ZNF605: variants seen among roughly 807,000 people sequenced by gnomAD.
The protein encoded by ZNF605 is zinc finger protein 605.
In ZNF605, 9 loss-of-function variants were observed where a neutral mutation model predicts 7.9. The ratio of observed to expected loss-of-function variants is 1.14; its 90% confidence interval spans 0.68 to 1.98. ZNF605 has a LOEUF of 1.98. Ranked by LOEUF, ZNF605 falls within the 30% of genes most tolerant of loss-of-function variation. The pLI is 0.00. For missense variants in ZNF605, 673 were observed against 762.4 expected, an observed-to-expected ratio of 0.88 and a Z score of 1.38; for synonymous variants, 255 against 260.1, an observed-to-expected ratio of 0.98 and a Z score of 0.19.
chr12:132,925,606 C>T lies in ZNF605; in HGVS notation c.1693G>A (p.Asp565Asn), dbSNP rs113814455. 127 of 1,614,140 alleles carry T rather than the reference C, an allele frequency of 7.9e-5. No individual in the cohort carries two copies. The African/African-American group carries it at 1.3e-3, about 16-fold the overall frequency. ...TTCTCAAAGAAAGCTTTTGCACAAT[C>T]GCTGCATCCATAGGTTTTCTCTCCT... ...HTGEKTYGCS[D>N]CAKAFFEKAQ... Residue 565 changes from aspartate (D) to asparagine (N), a missense_variant, in exon 5 of 5, where the codon GAT becomes AAT. Physicochemically the swap from Asp to Asn is conservative, Grantham distance 23. Coordinates refer to ENST00000360187, the MANE Select transcript of ZNF605 (RefSeq NM_183238.4).
rs1002379428 is a variant in ZNF605 at position 132,924,043 on chromosome 12, C to T, written c.*1330G>A. ...TTGGCCAGTAAAAATATCTCTTATA[C>T]CTCAGGTTTCATCAATCTTATGTTT... On this transcript the variant is annotated 3_prime_UTR_variant, in exon 5 of 5. Coordinates refer to ENST00000360187, the MANE Select transcript of ZNF605 (RefSeq NM_183238.4). The T allele has an allele frequency of 3.9e-5, 6 of 152,094 alleles. No homozygotes were observed. The highest frequency in any genetic ancestry group is 1.4e-4 in the African/African-American group (6 of 41,430). The allele number at this position is 152,094 out of a possible 1,614,324, so 9.4% of individuals were successfully genotyped here. A position where few individuals can be genotyped will look rare whatever the true frequency, so the allele number is the denominator to read the frequency against.
At chr12:132,931,088 A>C (rs1208842847) in intron 4 of ZNF605, among the ~76,000 whole-genome samples, 13 of 152,176 alleles carry the variant, frequency 8.5e-5, no homozygotes, top group Non-Finnish European at 1.9e-4. Flanking sequence ...CTAAAGTGGG[A>C]GGAGCTCATG....
Position 132,926,073 on chromosome 12 carries a change from A to G in ZNF605, c.1226T>C (p.Ile409Thr). ...TCCTAAGTGAATTTTTTGATGTCTT[A>G]TTAACTCTGACTTCTTAAAGAAGGC... ...EEAFFKKSEL[I>T]RHQKIHLGEK... Residue 409 changes from isoleucine to threonine, a missense_variant, in exon 5 of 5, where the codon ATA becomes ACA. Physicochemically the swap from Ile to Thr is moderately conservative, Grantham distance 89 (BLOSUM62 -1). Transcript: ENST00000360187. 6.2e-7 allele frequency: 1 copy of G among 1,614,216 alleles called. No homozygotes were observed. The highest frequency in any genetic ancestry group is 1.1e-5 in the South Asian group (1 of 91,086).
chr12:132,923,427 C>T lies in ZNF605; in HGVS notation c.*1946G>A, dbSNP rs1213642971. 1 of 152,040 alleles carries T rather than the reference C, an allele frequency of 6.6e-6. No homozygotes were observed. The highest frequency in any genetic ancestry group is 1.5e-5 in the Non-Finnish European group (1 of 68,000). The allele number at this position is 152,040 out of a possible 1,614,324, so 9.4% of individuals were successfully genotyped here. ...TTCTCAGAAACAGTCTTTATTTTGC[C>T]TTCATTTTTGAAAACGTTTTTGACA... is the stretch of plus-strand genomic sequence containing the variant. On this transcript the variant is annotated 3_prime_UTR_variant, in exon 5 of 5. Transcript: ENST00000360187.
At chr12:132,946,410 C>T (rs1952494626) in intron 2 of ZNF605, among the ~76,000 whole-genome samples, 1 of 152,222 alleles carries the variant, frequency 6.6e-6, no homozygotes, top group Admixed American at 6.5e-5. Context: ...GGGTCTGAGG[C>T]TGAGCAGGGC....
chr12:132,935,081 T>G (rs1472635806), intron 3 of ZNF605, among the ~76,000 whole-genome samples: 1 of 152,118 alleles, frequency 6.6e-6, no homozygotes, highest in Admixed American at 6.6e-5. Context: ...GGTCCTGGCC[T>G]CTTTAAAAGG....
At chr12:132,951,705 C>T (rs1952570120) in intron 1 of ZNF605, among the ~76,000 whole-genome samples, 2 of 151,846 alleles carry the variant, frequency 1.3e-5, no homozygotes, top group South Asian at 4.2e-4. Flanking sequence ...TACACGTACA[C>T]CACACATGCA....
Position 132,950,814 on chromosome 12 carries a change from C to A in ZNF605, c.-285-2544G>T, listed in dbSNP as rs925734615. Among the ~76,000 whole-genome samples the A allele has an allele frequency of 1.5e-4, 23 of 151,746 alleles. 1 individual carries two copies. The highest frequency in any genetic ancestry group is 2.9e-5 in the Non-Finnish European group (2 of 67,954). On this transcript the variant is annotated intron_variant, in intron 1 of 4. Transcript: ENST00000360187. ...CACACTGATACATCATACACAGAGA[C>A]ATGTACACACACTGATAACGAACAT...
chr12:132,955,803 T>C (rs1952630849), intron 1 of ZNF605, among the ~76,000 whole-genome samples: 1 of 151,930 alleles, frequency 6.6e-6, no homozygotes, highest in Non-Finnish European at 1.5e-5. Context: ...TCCTAATCGC[T>C]GCAGACAAAT....
rs1952226381 is a variant in ZNF605, at chr12:132,924,170, A to T, written c.*1203T>A. ...TCTACTGATTTTTCTCCTGGTTATAAGTCATATTTTATTGCTTCTTTGCAT... is the reference window on the plus strand; with the variant it reads ...TCTACTGATTTTTCTCCTGGTTATATGTCATATTTTATTGCTTCTTTGCAT... On this transcript the variant is annotated 3_prime_UTR_variant, in exon 5 of 5. Transcript: ENST00000360187. 6.6e-6 allele frequency: 1 copy of T among 152,118 alleles called. No homozygotes were observed. The highest frequency in any genetic ancestry group is 2.4e-5 in the African/African-American group (1 of 41,416). 9.4% of individuals were successfully genotyped at this position (152,118 alleles called of 1,614,324 possible).
At position 132,932,905 on chromosome 12, in the gene ZNF605, T is replaced by C. The variant is rs948554113; in HGVS notation, c.136+130A>G. 6.0e-5 allele frequency: 82 copies of C among 1,367,110 alleles called. 1 individual carries two copies. The South Asian group carries it at 8.9e-4, about 15-fold the overall frequency. 84.7% of individuals were successfully genotyped at this position (1,367,110 alleles called of 1,614,324 possible). ...TATAAAGGCTGCAAAATAAAGCAAG[T>C]GAATGAAAATCTTTCAATTCAGTAT... On this transcript the variant is annotated intron_variant, in intron 4 of 4. Coordinates refer to ENST00000360187, the MANE Select transcript of ZNF605 (RefSeq NM_183238.4).
Position 132,945,774 on chromosome 12 carries a change from T to C in ZNF605, c.-139A>G. 3.1e-6 allele frequency: 4 copies of C among 1,274,386 alleles called. No homozygotes were observed. Among genetic ancestry groups the C allele is most frequent in the South Asian group, 2.4e-5 (2 of 83,224 alleles). 78.9% of individuals were successfully genotyped at this position (1,274,386 alleles called of 1,614,324 possible). A position where few individuals can be genotyped will look rare whatever the true frequency, so the allele number is the denominator to read the frequency against. Reference sequence around the variant, plus strand: ...CTCTTCTTTCTTATCTCACATGAATTGTCTTGTTCCAGAGGGCTATTGCCT... The same window carrying C: ...CTCTTCTTTCTTATCTCACATGAATCGTCTTGTTCCAGAGGGCTATTGCCT... On this transcript the variant is annotated 5_prime_UTR_variant, in exon 3 of 5. Coordinates refer to ENST00000360187, the MANE Select transcript of ZNF605 (RefSeq NM_183238.4).
At chr12:132,939,186 G>A (rs1306861525) in intron 3 of ZNF605, among the ~76,000 whole-genome samples, 9 of 151,652 alleles carry the variant, frequency 5.9e-5, no homozygotes, top group Non-Finnish European at 8.9e-5. Flanking sequence ...GCCCCGGTGC[G>A]GGATCCACTA....
At chr12:132,935,984 C>G (rs1952361418) in intron 3 of ZNF605, among the ~76,000 whole-genome samples, 1 of 150,848 alleles carries the variant, frequency 6.6e-6, no homozygotes, top group Admixed American at 6.6e-5. Flanking sequence ...TGGCGTGAAC[C>G]CAGGAGGTGG....
chr12:132,928,623 A>C (rs1952271836), intron 4 of ZNF605, among the ~76,000 whole-genome samples: 1 of 152,186 alleles, frequency 6.6e-6, no homozygotes, highest in Non-Finnish European at 1.5e-5. Context: ...AGGTTTATTT[A>C]CTTGACTTTT....
chr12:132,932,148 T>A (rs1952314560), intron 4 of ZNF605, among the ~76,000 whole-genome samples: 1 of 152,140 alleles, frequency 6.6e-6, no homozygotes, highest in African/African-American at 2.4e-5. Context: ...TCTTGCTTTG[T>A]TGCCCAGGTT....
At chr12:132,953,529 C>T (rs1426059951) in intron 1 of ZNF605, among the ~76,000 whole-genome samples, 1 of 152,162 alleles carries the variant, frequency 6.6e-6, no homozygotes, top group Non-Finnish European at 1.5e-5. Flanking sequence ...TGGGTTCAAG[C>T]AATTCTCCTG....
At chr12:132,939,485 T>G (rs1195899912) in intron 3 of ZNF605, among the ~76,000 whole-genome samples, 1 of 152,142 alleles carries the variant, frequency 6.6e-6, no homozygotes, top group Non-Finnish European at 1.5e-5. Context: ...ATTGACACTC[T>G]GTATCTAGCT....
chr12:132,938,148 C>CT (rs1952387712), intron 3 of ZNF605, among the ~76,000 whole-genome samples: 1 of 150,360 alleles, frequency 6.7e-6, no homozygotes, highest in Admixed American at 6.6e-5. Context: ...GCCCGGCTAA[C>CT]TTTTTGTATT....
Sources: gnomAD v4.1 joint callset for allele counts (sites outside exome capture counted in the v4.1 genomes callset) on GRCh38, gnomAD v4.1.1 for gene constraint, MANE v1.5 for transcripts, NCBI Gene and HGNC (gene_info 2026-07-23, HGNC 2026-07-21) for gene names.